The following IGSF10 variants were observed in gnomAD, a reference collection of about 807,000 sequenced individuals.
IGSF10 encodes the protein immunoglobulin superfamily member 10.
A neutral mutation model predicts 128.2 loss-of-function variants in IGSF10; 126 were observed. The ratio of observed to expected loss-of-function variants is 0.98; its 90% CI spans 0.85 to 1.14. The LOEUF is 1.14. Among genes scored for constraint, IGSF10 ranks in the 50% most tolerant of loss-of-function variants. The probability of loss-of-function intolerance (pLI) is 0.00; values close to 1 mark genes in which losing one functional copy is unlikely to be tolerated. For missense variants in IGSF10, 3,295 were observed against 3,149.8 expected (o/e 1.05, Z -1.10); for synonymous variants, 1,185 against 1,146.2 (o/e 1.03, Z -0.68).
the IGSF10 span, among the ~76,000 whole-genome samples, chr3:151,480,114 G>C: frequency 1.3e-5 from 2 of 152,008 alleles, no homozygotes; most frequent in Non-Finnish European, 2.9e-5. Flanking sequence ...CAAGATGGCC[G>C]ACTAGAAGCT....
the IGSF10 span, among the ~76,000 whole-genome samples, chr3:151,605,525 G>A: frequency 6.6e-6 from 1 of 152,138 alleles, no homozygotes; most frequent in Non-Finnish European, 1.5e-5. Flanking sequence ...GGGGATAGGT[G>A]TAGACTATGG....
upstream of IGSF10, among the ~76,000 whole-genome samples, chr3:151,462,184 C>T (rs1490933154): frequency 6.6e-6 from 1 of 152,124 alleles, no homozygotes; most frequent in Admixed American, 6.6e-5. Flanking sequence ...ACCTTGTTTC[C>T]TTCCACGTAG....
At chr3:151,459,065 T>C (rs1721937082) in intron 2 of IGSF10, among the ~76,000 whole-genome samples, 1 of 152,230 alleles carries the variant, frequency 6.6e-6, no homozygotes, top group Non-Finnish European at 1.5e-5. Flanking sequence ...TTCCTTTATA[T>C]ACATTAATTC....
rs997053100 is a variant in IGSF10 at position 151,444,788 on chromosome 3, A to G, written c.5062+131T>C. Reference sequence around the variant, plus strand: ...GAAAATATGCCAGTGTCAAATGAGGATATTAATAGTTTCTTTGTCTTAGAA... The same window carrying G: ...GAAAATATGCCAGTGTCAAATGAGGGTATTAATAGTTTCTTTGTCTTAGAA... On this transcript the variant is annotated intron_variant, in intron 6 of 7. Coordinates refer to ENST00000282466, the MANE Select transcript of IGSF10 (RefSeq NM_178822.5). The G allele has an allele frequency of 1.3e-5, 10 of 752,016 alleles. 1 individual carries two copies. The South Asian group carries it at 1.4e-4, about 11-fold the overall frequency. The allele number at this position is 752,016 out of a possible 1,614,324, so 46.6% of individuals were successfully genotyped here. A position where few individuals can be genotyped will look rare whatever the true frequency, so the allele number is the denominator to read the frequency against.
the IGSF10 span, among the ~76,000 whole-genome samples, chr3:151,537,735 T>C: frequency 6.6e-6 from 1 of 152,094 alleles, no homozygotes; most frequent in South Asian, 2.1e-4. Flanking sequence ...AAAATAATAA[T>C]CTCTTCTAGG....
In IGSF10 at chr3:151,449,045, GGGTGCCATGAAACCT is replaced by G. The variant is rs1451932084; in HGVS notation, c.921_935del (p.Gln307_Pro312delinsHis). 6.2e-7 allele frequency: 1 copy of G among 1,614,198 alleles called. No homozygotes were observed. ...TCATATTCAAAGTGAGGGAGCCAAA[GGGTGCCATGAAACCT>G]TGGGGAGAGATGAAAGCAGAACTAC... On this transcript the variant is annotated inframe_deletion, in exon 6 of 8. Coordinates refer to ENST00000282466, the MANE Select transcript of IGSF10 (RefSeq NM_178822.5).
the IGSF10 span, among the ~76,000 whole-genome samples, chr3:151,526,730 T>C: frequency 6.6e-6 from 1 of 152,236 alleles, no homozygotes; most frequent in Non-Finnish European, 1.5e-5. Context: ...CTTTCAGATT[T>C]ACTCCAGTCT....
chr3:151,605,983 GGT>G, the IGSF10 span, among the ~76,000 whole-genome samples: 43 of 152,292 alleles, frequency 2.8e-4, no homozygotes, highest in Admixed American at 2.5e-3. Flanking sequence ...TAAGTTCCCA[GGT>G]GATAGTGATG....
chr3:151,615,070 A>T, the IGSF10 span, among the ~76,000 whole-genome samples: 2 of 151,948 alleles, frequency 1.3e-5, no homozygotes, highest in Non-Finnish European at 1.5e-5. Context: ...TTAATGCCAC[A>T]TTTTTTGGTA....
chr3:151,560,897 CA>C, the IGSF10 span, among the ~76,000 whole-genome samples: 1 of 152,120 alleles, frequency 6.6e-6, no homozygotes, highest in Non-Finnish European at 1.5e-5. Flanking sequence ...ACTTCTTGAC[CA>C]AACATAATTT....
At chr3:151,551,662 T>TAC in the IGSF10 span, among the ~76,000 whole-genome samples, 1,648 of 145,464 alleles carry the variant, frequency 0.011, 16 homozygotes, top group East Asian at 0.019. Flanking sequence ...ACATGGGCAT[T>TAC]ACACACACAC....
At chr3:151,614,516 T>C in the IGSF10 span, among the ~76,000 whole-genome samples, 11 of 152,290 alleles carry the variant, frequency 7.2e-5, no homozygotes, top group African/African-American at 2.6e-4. Context: ...TTCATGTCCT[T>C]TGTAGGGACA....
At chr3:151,459,825 G>C (rs1208196801) in intron 2 of IGSF10, among the ~76,000 whole-genome samples, 1 of 152,140 alleles carries the variant, frequency 6.6e-6, no homozygotes, top group Non-Finnish European at 1.5e-5. Context: ...CCGTTCTGTG[G>C]AACAGCATGA....
chr3:151,474,132 A>G, the IGSF10 span, among the ~76,000 whole-genome samples: 2 of 152,322 alleles, frequency 1.3e-5, no homozygotes, highest in South Asian at 4.1e-4. Context: ...GACAACATAC[A>G]CATTCAAAAC....
chr3:151,509,395 A>G, the IGSF10 span, among the ~76,000 whole-genome samples: 1 of 152,234 alleles, frequency 6.6e-6, no homozygotes, highest in Admixed American at 6.5e-5. Flanking sequence ...ACTGGTGTTC[A>G]AAAGGACAGC....
Position 151,436,674 on chromosome 3 carries a change from C to T in IGSF10, c.*15G>A, listed in dbSNP as rs775980007. The T allele has an allele frequency of 1.3e-6, 2 of 1,546,072 alleles. No homozygotes were observed. The highest frequency in any genetic ancestry group is 3.9e-5 in the Admixed American group (2 of 51,582). On this transcript the variant is annotated 3_prime_UTR_variant, in exon 8 of 8. Transcript: ENST00000282466. ...ATAAATTCTGCCCAGATGTTGTTGA[C>T]TTTATTATTTCATGTCAGATTACTT...
the IGSF10 span, among the ~76,000 whole-genome samples, chr3:151,515,943 T>C: frequency 6.6e-6 from 1 of 151,942 alleles, no homozygotes; most frequent in Non-Finnish European, 1.5e-5. Context: ...ATAAAAGCTT[T>C]CCCATGCAAC....
the IGSF10 span, among the ~76,000 whole-genome samples, chr3:151,490,692 T>C: frequency 6.6e-6 from 1 of 152,118 alleles, no homozygotes; most frequent in African/African-American, 2.4e-5. Flanking sequence ...CAGACCACAA[T>C]GGTTTGAAAT....
the IGSF10 span, among the ~76,000 whole-genome samples, chr3:151,505,516 A>T: frequency 6.6e-6 from 1 of 152,198 alleles, no homozygotes; most frequent in African/African-American, 2.4e-5. Flanking sequence ...ACTGGTTTCA[A>T]AATTATCAGG....
Sources: gnomAD v4.1 joint callset for allele counts (sites outside exome capture counted in the v4.1 genomes callset) on GRCh38, gnomAD v4.1.1 for gene constraint, MANE v1.5 for transcripts, NCBI Gene and HGNC (gene_info 2026-07-23, HGNC 2026-07-21) for gene names.